Variants in MME observed in about 807,000 individuals in gnomAD.
The protein encoded by MME is neprilysin.
MME carries 98 observed loss-of-function variants against 113.2 expected under a neutral mutation model. That is an observed-to-expected ratio of 0.87 (90% CI 0.74 to 1.02). MME has a LOEUF of 1.02. Ranked by LOEUF, MME falls within the 50% of genes least tolerant of loss-of-function variation. The probability of loss-of-function intolerance (pLI) is 0.00; values close to 1 mark genes in which losing one functional copy is unlikely to be tolerated. For synonymous variants in MME, 292 were observed against 300.6 expected, an observed-to-expected ratio of 0.97 and a Z score of 0.30; for missense variants, 836 against 896.0, an observed-to-expected ratio of 0.93 and a Z score of 0.86.
rs201945617 is a variant in MME, at chr3:155,180,378, G to T, written c.2172G>T (p.Gln724His). 2.5e-6 allele frequency: 4 copies of T among 1,613,342 alleles called. No homozygotes were observed. The Admixed American group carries it at 5.0e-5, about 20-fold the overall frequency. Reference sequence around the variant, plus strand: ...TTCAAAGGATTATTGGGACTTTGCAGAACTCTGCAGAGTTTTCAGAAGCCT... The same window carrying T: ...TTCAAAGGATTATTGGGACTTTGCATAACTCTGCAGAGTTTTCAGAAGCCT... ...PGNFRIIGTL[Q>H]NSAEFSEAFH... Residue 724 changes from glutamine (Q) to histidine (H), a missense_variant, in exon 23 of 23, where the codon CAG (glutamine) becomes CAT (histidine). By Grantham distance (24) the Gln-to-His change is conservative. Transcript: ENST00000360490.
chr3:155,142,342 ATC>A lies in MME; in HGVS notation c.1188+18_1188+19del, dbSNP rs1450709541. The A allele has an allele frequency of 2.5e-6, 4 of 1,604,036 alleles. No homozygotes were observed. The highest frequency in any genetic ancestry group is 1.3e-5 in the African/African-American group (1 of 74,784). ...ATGCTTTCCGCAAGGTGAAGAAAAA[ATC>A]TCTCTTTTCTTAAGACTTAAAGCAT... is the stretch of plus-strand genomic sequence containing the variant. On this transcript the variant is annotated intron_variant, in intron 12 of 22. Coordinates refer to ENST00000360490, the MANE Select transcript of MME (RefSeq NM_007289.4).
chr3:155,149,447 C>T (rs534284375), intron 16 of MME, among the ~76,000 whole-genome samples: 1 of 152,076 alleles, frequency 6.6e-6, no homozygotes, highest in African/African-American at 2.4e-5. Flanking sequence ...AATATACTAA[C>T]TTGATTTGTG....
chr3:155,085,008 A>G, intron 2 of MME, 51 bp from the exon 3 acceptor site: 2 of 1,315,778 alleles, frequency 1.5e-6, no homozygotes, highest in Admixed American at 2.1e-5. Context: ...AAAAATAGAA[A>G]TTTAAAAATT....
At chr3:155,101,158 C>T (rs755904455) in intron 3 of MME, among the ~76,000 whole-genome samples, 6 of 152,162 alleles carry the variant, frequency 3.9e-5, no homozygotes, top group Non-Finnish European at 7.4e-5. Flanking sequence ...TAAGTAAAAG[C>T]TCCCTGAGGC....
intron 10 of MME, among the ~76,000 whole-genome samples, chr3:155,141,578 A>T (rs1458632281): frequency 6.6e-6 from 1 of 152,150 alleles, no homozygotes; most frequent in Non-Finnish European, 1.5e-5. Flanking sequence ...TTCCACTGAG[A>T]TGTGTTACTG....
chr3:155,056,059 GTTT>G lies in MME; in HGVS notation c.-10-28095_-10-28093del, dbSNP rs368419245. Among the ~76,000 whole-genome samples, 38 of 152,058 alleles carry G rather than the reference GTTT, an allele frequency of 2.5e-4. No individual in the cohort carries two copies. In the East Asian group the frequency reaches 6.4e-3, roughly 26 times the overall value. ...CCATCCCACCCAATTTTTCTTCTCT[GTTT>G]TTTAACTACAAATTGTTGGTTCATA... On this transcript the variant is annotated intron_variant, in intron 1 of 22. Transcript: ENST00000492661.
At chr3:155,046,016 A>G (rs1323928566) in intron 1 of MME, among the ~76,000 whole-genome samples, 3 of 152,190 alleles carry the variant, frequency 2.0e-5, no homozygotes, top group Admixed American at 2.0e-4. Flanking sequence ...CTATAAGTTT[A>G]TGTCTTTCAC....
intron 1 of MME, among the ~76,000 whole-genome samples, chr3:155,073,309 C>A (rs150623030): frequency 2.0e-5 from 3 of 152,064 alleles, no homozygotes; most frequent in Non-Finnish European, 4.4e-5. Context: ...TAAATAGAAA[C>A]GACCACAGCA....
chr3:155,127,282 G>C (rs563104636), intron 8 of MME, among the ~76,000 whole-genome samples: 1 of 152,252 alleles, frequency 6.6e-6, no homozygotes, highest in South Asian at 2.1e-4. Flanking sequence ...GAATGTCTGG[G>C]AGCCGGCTTT....
intron 1 of MME, among the ~76,000 whole-genome samples, chr3:155,060,735 ATC>A (rs150890127): frequency 0.044 from 6,769 of 152,138 alleles, 434 homozygotes; most frequent in African/African-American, 0.14. Context: ...GAAGTCTGTA[ATC>A]ACAGTGCCAG....
chr3:155,100,352 AT>A (rs565793172), intron 3 of MME, among the ~76,000 whole-genome samples: 2,120 of 152,320 alleles, frequency 0.014, 44 homozygotes, highest in African/African-American at 0.048. Context: ...CCACAATGAG[AT>A]ATCATCTCAC....
chr3:155,110,074 A>G (rs918365930), intron 3 of MME, among the ~76,000 whole-genome samples: 3 of 152,256 alleles, frequency 2.0e-5, no homozygotes, highest in African/African-American at 4.8e-5. Flanking sequence ...TAAGTCCGAC[A>G]GTGGAGAGGC....
intron 22 of MME, among the ~76,000 whole-genome samples, chr3:155,173,194 TCCAACC>T (rs1482374368): frequency 7.2e-5 from 11 of 152,042 alleles, no homozygotes; most frequent in African/African-American, 2.7e-4. Context: ...AGAGAGTCAC[TCCAACC>T]AACATTTGAA....
chr3:155,058,274 C>G (rs1297552773), intron 1 of MME, among the ~76,000 whole-genome samples: 1 of 152,166 alleles, frequency 6.6e-6, no homozygotes, highest in Non-Finnish European at 1.5e-5. Flanking sequence ...GAACATCTCC[C>G]TCTTCTCAAA....
intron 8 of MME, among the ~76,000 whole-genome samples, chr3:155,131,594 G>A (rs1720150715): frequency 6.6e-6 from 1 of 152,136 alleles, no homozygotes; most frequent in South Asian, 2.1e-4. Flanking sequence ...CCCCAAGCAT[G>A]GAATAAACCT....
intron 9 of MME, among the ~76,000 whole-genome samples, chr3:155,138,521 A>C (rs1052672736): frequency 5.3e-5 from 8 of 152,210 alleles, no homozygotes; most frequent in Non-Finnish European, 1.0e-4. Context: ...TACCATTTAC[A>C]GTCAAACTGT....
intron 17 of MME, 73 bp from the exon 18 acceptor site, chr3:155,166,829 A>T (rs1275609819): frequency 1.3e-6 from 2 of 1,585,118 alleles, no homozygotes; most frequent in Non-Finnish European, 1.7e-6. Flanking sequence ...AGGAGGGAGG[A>T]CTGTCTCTAA....
intron 1 of MME, among the ~76,000 whole-genome samples, chr3:155,082,782 A>C (rs534664001): frequency 1.3e-5 from 2 of 152,266 alleles, no homozygotes; most frequent in South Asian, 4.1e-4. Context: ...ATTCACTGGG[A>C]AGGTTAATTT....
At chr3:155,034,635 T>G (rs570319884) in intron 1 of MME, among the ~76,000 whole-genome samples, 2 of 152,222 alleles carry the variant, frequency 1.3e-5, no homozygotes, top group Middle Eastern at 6.8e-3. Flanking sequence ...AAAGCACAAA[T>G]GAAGGAAAAC....
Sources: allele counts gnomAD v4.1 joint callset (sites outside exome capture counted in the v4.1 genomes callset), GRCh38; gene constraint gnomAD v4.1.1; transcripts MANE v1.5; gene names NCBI Gene and HGNC (gene_info 2026-07-23, HGNC 2026-07-21).